Variants in ARHGEF10 observed in about 807,000 individuals in gnomAD.
ARHGEF10 encodes the protein Rho guanine nucleotide exchange factor (GEF) 10.
In ARHGEF10, 140 loss-of-function variants were observed where a neutral mutation model predicts 147.4. The ratio of observed to expected loss-of-function variants is 0.95; its 90% CI spans 0.83 to 1.09. The LOEUF is 1.09. Among genes scored for constraint, ARHGEF10 ranks in the 50% least tolerant of loss-of-function variants. The pLI is 0.00. For synonymous variants in ARHGEF10, 902 were observed against 695.8 expected (o/e 1.30, Z -4.67); for missense variants, 2,222 against 1,752.7 (o/e 1.27, Z -4.78).
intron 4 of ARHGEF10, among the ~76,000 whole-genome samples, chr8:1,860,595 C>G (rs1189515842): frequency 6.6e-6 from 1 of 152,168 alleles, no homozygotes; most frequent in Admixed American, 6.5e-5. Context: ...TCTTCAGTGA[C>G]AGGAACACCA....
chr8:1,911,437 A>G (rs928158564), intron 18 of ARHGEF10, among the ~76,000 whole-genome samples: 2 of 152,258 alleles, frequency 1.3e-5, no homozygotes, highest in African/African-American at 2.4e-5. Flanking sequence ...GTTCCTCTAG[A>G]TTAAAAAAGA....
intron 15 of ARHGEF10, among the ~76,000 whole-genome samples, 153 bp downstream of exon 15, chr8:1,898,678 G>C (rs1443266972): frequency 6.6e-6 from 1 of 152,240 alleles, no homozygotes. Context: ...GGTAGAGGCA[G>C]GTGGAGACCT....
chr8:1,882,566 A>G, intron 9 of ARHGEF10, 69 bp from the exon 10 acceptor site: 3 of 1,270,130 alleles, frequency 2.4e-6, no homozygotes, highest in Non-Finnish European at 3.4e-6. Flanking sequence ...ATTCTTTTAA[A>G]ACAGGCAAAT....
intron 15 of ARHGEF10, among the ~76,000 whole-genome samples, chr8:1,898,891 C>G (rs966094024): frequency 2.0e-5 from 3 of 152,200 alleles, no homozygotes; most frequent in African/African-American, 7.2e-5. Context: ...TCCAGTGTGT[C>G]TGTGTCTGGT....
intron 11 of ARHGEF10, among the ~76,000 whole-genome samples, chr8:1,886,009 G>C (rs1032601547): frequency 6.6e-6 from 1 of 152,166 alleles, no homozygotes; most frequent in Non-Finnish European, 1.5e-5. Context: ...TGCATTCTTC[G>C]TGGGAGTCAG....
intron 27 of ARHGEF10, among the ~76,000 whole-genome samples, chr8:1,947,561 A>G (rs1028938559): frequency 9.2e-5 from 14 of 152,130 alleles, no homozygotes; most frequent in African/African-American, 3.1e-4. Flanking sequence ...ACTCACGCCC[A>G]GGCTATGAAA....
intron 18 of ARHGEF10, among the ~76,000 whole-genome samples, chr8:1,919,120 T>C (rs1431202133): frequency 1.9e-4 from 28 of 147,996 alleles, no homozygotes; most frequent in Non-Finnish European, 5.9e-5. Flanking sequence ...AGCTGTTCTA[T>C]GGGTGATGGA....
At chr8:1,889,900 G>A (rs1204210101) in intron 11 of ARHGEF10, among the ~76,000 whole-genome samples, 1 of 145,982 alleles carries the variant, frequency 6.9e-6, no homozygotes, top group Non-Finnish European at 1.5e-5. Context: ...CACTGCATGG[G>A]GTGAACTTTG....
In ARHGEF10 at chr8:1,929,422, G is replaced by C; in HGVS notation, c.3058G>C (p.Ala1020Pro). ...CGCTGGCCTGGTCAACGGGGCAGTC[G>C]CCAGCTACGCCAGAGCCCCAGGTGA... is the stretch of plus-strand genomic sequence containing the variant. ...LYAGLVNGAV[A>P]SYARAPDGSW... The change falls in exon 25 of 29, where the codon GCC becomes CCC. Residue 1020 changes from alanine (A) to proline (P), a missense_variant. Ala to Pro is a conservative substitution (Grantham distance 27). Coordinates refer to ENST00000349830, the MANE Select transcript of ARHGEF10 (RefSeq NM_014629.4). 2 of 1,609,364 alleles carry C rather than the reference G, an allele frequency of 1.2e-6. No individual in the cohort carries two copies. The highest frequency in any genetic ancestry group is 1.7e-6 in the Non-Finnish European group (2 of 1,177,936).
At chr8:1,949,273 G>A (rs1814837903) in intron 27 of ARHGEF10, among the ~76,000 whole-genome samples, 1 of 152,170 alleles carries the variant, frequency 6.6e-6, no homozygotes, top group African/African-American at 2.4e-5. Context: ...TAAGGCCCTG[G>A]CTTTTCTCCT....
At chr8:1,890,261 A>G (rs1246745280) in intron 11 of ARHGEF10, among the ~76,000 whole-genome samples, 1 of 123,616 alleles carries the variant, frequency 8.1e-6, no homozygotes, top group African/African-American at 3.3e-5. Context: ...AGGGTTGTGG[A>G]TTGTGAGGAG....
intron 18 of ARHGEF10, among the ~76,000 whole-genome samples, chr8:1,912,887 C>T (rs1301590310): frequency 1.3e-5 from 2 of 152,172 alleles, no homozygotes; most frequent in Non-Finnish European, 2.9e-5. Flanking sequence ...GGAGGAAGAT[C>T]GAGCGTGAGC....
Position 1,864,406 on chromosome 8 carries a change from A to G in ARHGEF10, c.515A>G (p.Asn172Ser). The change falls in exon 5 of 29, where the codon AAT becomes AGT. Residue 172 changes from asparagine to serine, a missense_variant. Physicochemically the swap from Asn to Ser is conservative, Grantham distance 46. Coordinates refer to ENST00000349830, the MANE Select transcript of ARHGEF10 (RefSeq NM_014629.4). ...GAAGTCACAGAAGATCGCCAGCCCA[A>G]TTCTCTGAGTTCCGAGGAGCCTCCA... ...TPEVTEDRQP[N>S]SLSSEEPPTS... The G allele has an allele frequency of 1.2e-6, 2 of 1,614,148 alleles. No individual in the cohort carries two copies. Among genetic ancestry groups the G allele is most frequent in the Non-Finnish European group, 1.7e-6 (2 of 1,180,020 alleles).
chr8:1,926,843 T>C, intron 23 of ARHGEF10: 1 of 317,190 alleles, frequency 3.2e-6, no homozygotes, highest in Admixed American at 4.8e-5. Flanking sequence ...TAAAATTAAT[T>C]TGTTCCAAAT....
chr8:1,945,666 G>A lies in ARHGEF10; in HGVS notation c.3397+11G>A, dbSNP rs776971225. 30 of 1,614,030 alleles carry A rather than the reference G, an allele frequency of 1.9e-5. No homozygotes were observed. The highest frequency in any genetic ancestry group is 1.2e-4 in the South Asian group (11 of 91,090). ...ACAACATGCTGCCAGGTAAGGGGAC[G>A]GGACGGGGCCCAGGGATGGGACAGC... On this transcript the variant is annotated intron_variant, in intron 27 of 28. Coordinates refer to ENST00000349830, the MANE Select transcript of ARHGEF10 (RefSeq NM_014629.4).
intron 18 of ARHGEF10, among the ~76,000 whole-genome samples, chr8:1,911,360 T>A (rs1170529906): frequency 6.6e-6 from 1 of 152,228 alleles, no homozygotes; most frequent in Non-Finnish European, 1.5e-5. Context: ...CCATGGGACA[T>A]CTTTTTGCCC....
intron 1 of ARHGEF10, among the ~76,000 whole-genome samples, chr8:1,831,041 C>T (rs1291365220): frequency 6.6e-6 from 1 of 152,212 alleles, no homozygotes; most frequent in Non-Finnish European, 1.5e-5. Context: ...TGGTGAATGC[C>T]AGGGCAGCGG....
In ARHGEF10 at chr8:1,876,305, G is replaced by C. The variant is rs1040749133; in HGVS notation, c.680-266G>C. 40 of 531,768 alleles carry C rather than the reference G, an allele frequency of 7.5e-5. 1 individual carries two copies. The highest frequency in any genetic ancestry group is 6.6e-4 in the South Asian group (31 of 47,328). 32.9% of individuals were successfully genotyped at this position (531,768 alleles called of 1,614,324 possible). A position where few individuals can be genotyped will look rare whatever the true frequency, so the allele number is the denominator to read the frequency against. On this transcript the variant is annotated intron_variant, in intron 7 of 28. Coordinates refer to ENST00000349830, the MANE Select transcript of ARHGEF10 (RefSeq NM_014629.4). ...GACTGTGGCGGATGCCCATAGCCAGGTGGTCCTCGGGGTACAGATGGGGCA... is the reference window on the plus strand; with the variant it reads ...GACTGTGGCGGATGCCCATAGCCAGCTGGTCCTCGGGGTACAGATGGGGCA...
intron 26 of ARHGEF10, among the ~76,000 whole-genome samples, chr8:1,934,563 G>C (rs1017758331): frequency 6.6e-6 from 1 of 152,154 alleles, no homozygotes; most frequent in African/African-American, 2.4e-5. Flanking sequence ...ATTTGCATTT[G>C]ATTGAGGTGA....
Sources: gnomAD v4.1 joint callset for allele counts (sites outside exome capture counted in the v4.1 genomes callset) on GRCh38, gnomAD v4.1.1 for gene constraint, MANE v1.5 for transcripts, NCBI Gene and HGNC (gene_info 2026-07-23, HGNC 2026-07-21) for gene names.